BST1: variants seen among roughly 807,000 people sequenced by gnomAD.
BST1 encodes the protein ADP-ribosyl cyclase/cyclic ADP-ribose hydrolase 2.
Under a neutral mutation model 40.6 loss-of-function variants are expected in BST1, and 49 were observed. That is an observed-to-expected ratio of 1.21 (90% CI 0.96 to 1.53). BST1 has a LOEUF of 1.53. Among genes scored for constraint, BST1 ranks in the 40% most tolerant of loss-of-function variants. BST1 has a pLI of 0.00. For synonymous variants in BST1, 157 were observed against 159.3 expected (o/e 0.99, Z 0.11); for missense variants, 423 against 395.9 (o/e 1.07, Z -0.58).
chr4:15,736,021 A>C, downstream of BST1: 1 of 1,224,608 alleles, frequency 8.2e-7, no homozygotes, highest in South Asian at 1.3e-5. Flanking sequence ...ACATTTTTCT[A>C]TGTGTTTTTA....
At chr4:15,753,153 C>T in the BST1 span, among the ~76,000 whole-genome samples, 1 of 152,114 alleles carries the variant, frequency 6.6e-6, no homozygotes, top group East Asian at 1.9e-4. Flanking sequence ...AATATATCAC[C>T]CTCCATCTTC....
chr4:15,752,551 G>A, the BST1 span, among the ~76,000 whole-genome samples: 2 of 151,990 alleles, frequency 1.3e-5, no homozygotes, highest in African/African-American at 4.8e-5. Flanking sequence ...ACCATGCAGA[G>A]CTAATTTTGT....
chr4:15,730,781 C>T (rs1721329836), intron 8 of BST1, among the ~76,000 whole-genome samples: 1 of 152,098 alleles, frequency 6.6e-6, no homozygotes, highest in Non-Finnish European at 1.5e-5. Context: ...TCATTGCATT[C>T]CTGGAAAGAG....
chr4:15,722,856 T>C lies in BST1; in HGVS notation c.792-19T>C, dbSNP rs1720885685. 2 of 1,604,304 alleles carry C rather than the reference T, an allele frequency of 1.2e-6. No individual in the cohort carries two copies. The highest frequency in any genetic ancestry group is 8.5e-7 in the Non-Finnish European group (1 of 1,171,696). ...AAAGTTATTTAAATAATCCCTTAAATATTATTTTCTTTCTGTAGACCAGTG... is the reference window on the plus strand; with the variant it reads ...AAAGTTATTTAAATAATCCCTTAAACATTATTTTCTTTCTGTAGACCAGTG... On this transcript the variant is annotated intron_variant, in intron 7 of 8. Transcript: ENST00000265016.
At chr4:15,716,215 A>G (rs1720508077) in intron 6 of BST1, among the ~76,000 whole-genome samples, 1 of 152,230 alleles carries the variant, frequency 6.6e-6, no homozygotes. Context: ...CAGCTCTTCA[A>G]CTGGGTCTTG....
intron 7 of BST1, among the ~76,000 whole-genome samples, chr4:15,719,996 T>C (rs28532698): frequency 0.17 from 25,711 of 152,142 alleles, 3,456 homozygotes; most frequent in African/African-American, 0.37. Context: ...ATATAATCTA[T>C]GTACAGAAAA....
chr4:15,765,370 T>A, the BST1 span, among the ~76,000 whole-genome samples: 1 of 151,966 alleles, frequency 6.6e-6, no homozygotes, highest in African/African-American at 2.4e-5. Context: ...GCCAACCCAG[T>A]GCAAGGCACC....
intron 7 of BST1, 139 bp from the exon 8 acceptor site, chr4:15,722,736 A>G (rs1321384147): frequency 5.7e-6 from 4 of 696,506 alleles, no homozygotes; most frequent in Admixed American, 2.6e-5. Context: ...CTGGGCCACT[A>G]ATATTTTTAG....
At chr4:15,745,369 AT>A in the BST1 span, among the ~76,000 whole-genome samples, 1 of 152,214 alleles carries the variant, frequency 6.6e-6, no homozygotes, top group Non-Finnish European at 1.5e-5. Flanking sequence ...GTAATATAAT[AT>A]TTTTAAAGGA....
chr4:15,758,933 G>A, the BST1 span, among the ~76,000 whole-genome samples: 1 of 151,966 alleles, frequency 6.6e-6, no homozygotes, highest in Non-Finnish European at 1.5e-5. Flanking sequence ...TTCACTGCAG[G>A]TGGATTACGG....
At chr4:15,723,811 C>G (rs1720955723) in intron 8 of BST1, 1 of 174,730 alleles carries the variant, frequency 5.7e-6, no homozygotes, top group Non-Finnish European at 1.1e-5. Flanking sequence ...CTTCCACCAC[C>G]AGTATATGCT....
At chr4:15,735,715 G>A (rs1451364363), downstream of BST1, among the ~76,000 whole-genome samples, 1 of 152,180 alleles carries the variant, frequency 6.6e-6, no homozygotes, top group Non-Finnish European at 1.5e-5. Context: ...GGGAGCCCCA[G>A]CCAAGGGGCG....
At chr4:15,752,764 G>A in the BST1 span, among the ~76,000 whole-genome samples, 203 of 152,232 alleles carry the variant, frequency 1.3e-3, 5 homozygotes, top group East Asian at 0.037. Flanking sequence ...AGGATGGCAG[G>A]ATCAAGGTGA....
At chr4:15,731,112 C>T (rs781112766) in intron 8 of BST1, 28 of 431,438 alleles carry the variant, frequency 6.5e-5, no homozygotes, top group Non-Finnish European at 1.0e-4. Context: ...CTGTCCTTTT[C>T]ACGTGGCCAA....
chr4:15,768,706 C>A, the BST1 span, among the ~76,000 whole-genome samples: 1 of 151,892 alleles, frequency 6.6e-6, no homozygotes, highest in Non-Finnish European at 1.5e-5. Context: ...CCTCGTTAGC[C>A]AGGATGGTCT....
At chr4:15,731,466 C>A in intron 8 of BST1, 1 of 867,384 alleles carries the variant, frequency 1.2e-6, no homozygotes, top group South Asian at 1.4e-5. Context: ...GGACTTAAGC[C>A]TGACGGTGCC....
rs1391812846 is a variant in BST1 at position 15,732,340 on chromosome 4, C to CA, written c.*496dup. 2 of 167,350 alleles carry CA rather than the reference C, an allele frequency of 1.2e-5. No homozygotes were observed. The highest frequency in any genetic ancestry group is 4.8e-5 in the African/African-American group (2 of 41,822). The allele number at this position is 167,350 out of a possible 1,614,324, so 10.4% of individuals were successfully genotyped here. ...AATGGTTCCTTTTTGTTTTGAGAGA[C>CA]AGAGTTTCGCTCCTTTGCCCAGGCT... On this transcript the variant is annotated 3_prime_UTR_variant, in exon 9 of 9. Transcript: ENST00000265016.
downstream of BST1, among the ~76,000 whole-genome samples, chr4:15,734,551 A>G (rs1721493095): frequency 6.6e-6 from 1 of 151,982 alleles, no homozygotes; most frequent in South Asian, 2.1e-4. Context: ...ACATAGCAGG[A>G]AGGAAATGTA....
At chr4:15,760,801 A>C in the BST1 span, among the ~76,000 whole-genome samples, 2 of 149,640 alleles carry the variant, frequency 1.3e-5, no homozygotes, top group African/African-American at 5.0e-5. Flanking sequence ...TGATCCTCCT[A>C]CTTCAGCCTC....
Sources: gnomAD v4.1 joint callset for allele counts (sites outside exome capture counted in the v4.1 genomes callset) on GRCh38, gnomAD v4.1.1 for gene constraint, MANE v1.5 for transcripts, NCBI Gene and HGNC (gene_info 2026-07-23, HGNC 2026-07-21) for gene names.